The following FAM117A variants were observed in gnomAD, a reference collection of about 807,000 sequenced individuals.
The protein encoded by FAM117A is protein FAM117A.
In FAM117A, 21 loss-of-function variants were observed where a neutral mutation model predicts 44.1. The ratio of observed to expected loss-of-function variants is 0.48; its 90% CI spans 0.34 to 0.69. FAM117A has a LOEUF of 0.69. FAM117A is among the 30% of genes least tolerant of loss of function. The pLI, the probability that FAM117A is intolerant of heterozygous loss-of-function variation, is 0.01. For missense variants in FAM117A, 498 were observed against 589.9 expected (o/e 0.84, Z 1.61); for synonymous variants, 220 against 238.3 (o/e 0.92, Z 0.71).
intron 1 of FAM117A, among the ~76,000 whole-genome samples, chr17:49,781,505 T>C (rs1039147824): frequency 6.6e-6 from 1 of 152,166 alleles, no homozygotes; most frequent in African/African-American, 2.4e-5. Context: ...GAGAGAGCTA[T>C]GGATGCATGC....
intron 1 of FAM117A, among the ~76,000 whole-genome samples, chr17:49,787,588 T>A (rs368765821): frequency 2.6e-5 from 4 of 152,214 alleles, no homozygotes; most frequent in African/African-American, 9.6e-5. Flanking sequence ...CAGTTTGAAA[T>A]TGGGGTTCGG....
chr17:49,776,586 C>G (rs1416070669), intron 1 of FAM117A, among the ~76,000 whole-genome samples: 1 of 152,196 alleles, frequency 6.6e-6, no homozygotes, highest in Non-Finnish European at 1.5e-5. Context: ...ACTATTATGT[C>G]TCTGCCTCCA....
intron 1 of FAM117A, among the ~76,000 whole-genome samples, chr17:49,755,987 G>A (rs2073697194): frequency 1.3e-5 from 2 of 152,128 alleles, no homozygotes; most frequent in African/African-American, 2.4e-5. Flanking sequence ...AACTTGAAAC[G>A]TGAGGTGCCT....
chr17:49,756,495 G>A (rs1227970171), intron 1 of FAM117A, among the ~76,000 whole-genome samples: 1 of 151,856 alleles, frequency 6.6e-6, no homozygotes, highest in Non-Finnish European at 1.5e-5. Flanking sequence ...ACAAGATAGA[G>A]AGTTCAGAGT....
chr17:49,758,049 C>A (rs1197184395), intron 1 of FAM117A, among the ~76,000 whole-genome samples: 1 of 152,212 alleles, frequency 6.6e-6, no homozygotes, highest in Non-Finnish European at 1.5e-5. Flanking sequence ...GGCTCCAGGG[C>A]CAGGTGTGGT....
chr17:49,764,135 C>T (rs780873487), upstream of FAM117A: 9 of 987,438 alleles, frequency 9.1e-6, no homozygotes, highest in East Asian at 3.1e-5. Context: ...CTCACACAGC[C>T]CCCCAACCCC....
chr17:49,764,745 T>C (rs1203455642), upstream of FAM117A, among the ~76,000 whole-genome samples: 1 of 152,232 alleles, frequency 6.6e-6, no homozygotes, highest in African/African-American at 2.4e-5. Flanking sequence ...TTGCATGTGA[T>C]TTGCATTATA....
intron 1 of FAM117A, among the ~76,000 whole-genome samples, chr17:49,754,101 G>A (rs2073687931): frequency 6.6e-6 from 1 of 152,030 alleles, no homozygotes; most frequent in Admixed American, 6.5e-5. Flanking sequence ...CCTCTATCAT[G>A]CCAAATGCTA....
At chr17:49,729,503 CTTTTTTT>C (rs3034927) in intron 2 of FAM117A, among the ~76,000 whole-genome samples, 2 of 92,216 alleles carry the variant, frequency 2.2e-5, no homozygotes, top group Non-Finnish European at 2.2e-5. Context: ...TGGCATCAGT[CTTTTTTT>C]TTTTTTTTTT....
At chr17:49,738,343 C>T (rs1414198398) in intron 1 of FAM117A, among the ~76,000 whole-genome samples, 1 of 152,120 alleles carries the variant, frequency 6.6e-6, no homozygotes, top group Non-Finnish European at 1.5e-5. Context: ...CATTAAGACT[C>T]AGGACTCAGT....
intron 7 of FAM117A, among the ~76,000 whole-genome samples, chr17:49,714,382 T>C (rs2073492325): frequency 6.6e-6 from 1 of 150,886 alleles, no homozygotes; most frequent in Non-Finnish European, 1.5e-5. Context: ...TTGCCCTGAC[T>C]ACTGAAGTGT....
chr17:49,720,294 C>T, intron 4 of FAM117A, 32 bp downstream of exon 4: 1 of 1,567,964 alleles, frequency 6.4e-7, no homozygotes. Context: ...TGGAGGAGAA[C>T]AGAGGGGAGA....
intron 2 of FAM117A, chr17:49,724,259 C>T (rs911653326): frequency 4.5e-6 from 2 of 439,830 alleles, no homozygotes; most frequent in African/African-American, 4.0e-5. Context: ...ACTACCTCTG[C>T]TAATCGAAGC....
intron 1 of FAM117A, among the ~76,000 whole-genome samples, chr17:49,734,545 T>C (rs1435711878): frequency 3.9e-5 from 6 of 151,906 alleles, no homozygotes; most frequent in Non-Finnish European, 7.4e-5. Context: ...TGAGCCGAGA[T>C]AGCGCCACTG....
At chr17:49,723,157 G>A (rs2073543384) in intron 2 of FAM117A, among the ~76,000 whole-genome samples, 1 of 152,124 alleles carries the variant, frequency 6.6e-6, no homozygotes, top group South Asian at 2.1e-4. Context: ...CCCTGCACAT[G>A]GAATAAGTGT....
intron 1 of FAM117A, among the ~76,000 whole-genome samples, chr17:49,776,726 G>A (rs1033822563): frequency 6.6e-6 from 1 of 152,144 alleles, no homozygotes; most frequent in African/African-American, 2.4e-5. Context: ...GAGGAGGCTG[G>A]CGCTGCCCTT....
intron 1 of FAM117A, among the ~76,000 whole-genome samples, chr17:49,734,126 G>A (rs1214126683): frequency 6.9e-6 from 1 of 145,830 alleles, no homozygotes; most frequent in Admixed American, 6.9e-5. Flanking sequence ...CTGGACAACA[G>A]AGCGAGACTC....
At chr17:49,754,846 C>T (rs1005786314) in intron 1 of FAM117A, among the ~76,000 whole-genome samples, 5 of 151,768 alleles carry the variant, frequency 3.3e-5, no homozygotes, top group African/African-American at 1.2e-4. Flanking sequence ...CGAGACCAGC[C>T]TGACCAACAT....
chr17:49,788,722 T>C, upstream of FAM117A: 1 of 1,189,576 alleles, frequency 8.4e-7, no homozygotes, highest in Non-Finnish European at 1.2e-6. Flanking sequence ...GCACTAGGGA[T>C]CGTCCGCAGG....
Sources: gnomAD v4.1 joint callset for allele counts (sites outside exome capture counted in the v4.1 genomes callset) on GRCh38, gnomAD v4.1.1 for gene constraint, MANE v1.5 for transcripts, NCBI Gene and HGNC (gene_info 2026-07-23, HGNC 2026-07-21) for gene names.